The following PPARGC1A variants were observed in gnomAD, a reference collection of about 807,000 sequenced individuals.
PPARGC1A encodes PPARG coactivator 1 alpha, also known as peroxisome proliferator-activated receptor gamma coactivator 1-alpha.
A neutral mutation model predicts 88.7 loss-of-function variants in PPARGC1A; 25 were observed. That is an observed-to-expected ratio of 0.28 (90% CI 0.21 to 0.39). PPARGC1A has a LOEUF of 0.39. Among genes scored for constraint, PPARGC1A ranks in the 10% least tolerant of loss-of-function variants. PPARGC1A has a pLI of 1.00. For missense variants in PPARGC1A, 880 were observed against 968.7 expected, an observed-to-expected ratio of 0.91 and a Z score of 1.22; for synonymous variants, 363 against 355.6, an observed-to-expected ratio of 1.02 and a Z score of -0.24.
the PPARGC1A span, among the ~76,000 whole-genome samples, chr4:24,195,653 C>T: frequency 6.6e-6 from 1 of 152,142 alleles, no homozygotes; most frequent in Non-Finnish European, 1.5e-5. Context: ...AATACTTATT[C>T]CTTATGCAAA....
chr4:23,809,750 G>A (rs993272390), intron 10 of PPARGC1A, among the ~76,000 whole-genome samples: 1 of 152,090 alleles, frequency 6.6e-6, no homozygotes, highest in Non-Finnish European at 1.5e-5. Context: ...ATCACACAGT[G>A]CATCTTAATA....
At chr4:24,277,881 A>T in the PPARGC1A span, among the ~76,000 whole-genome samples, 1 of 152,100 alleles carries the variant, frequency 6.6e-6, no homozygotes, top group Non-Finnish European at 1.5e-5. Context: ...TCTCTAAAAG[A>T]AGGATAATAA....
the PPARGC1A span, among the ~76,000 whole-genome samples, chr4:24,240,525 ATAAAT>A: frequency 1.3e-5 from 2 of 152,224 alleles, no homozygotes; most frequent in Non-Finnish European, 2.9e-5. Context: ...CAATCATAAA[ATAAAT>A]TAAACTACCA....
the PPARGC1A span, among the ~76,000 whole-genome samples, chr4:23,912,654 A>C: frequency 6.6e-6 from 1 of 152,058 alleles, no homozygotes; most frequent in African/African-American, 2.4e-5. Flanking sequence ...TGAGCTATGA[A>C]ACCTGCCTGA....
At chr4:24,273,714 C>T in the PPARGC1A span, among the ~76,000 whole-genome samples, 2 of 147,762 alleles carry the variant, frequency 1.4e-5, no homozygotes, top group Admixed American at 6.8e-5. Flanking sequence ...AGCTTTTGTC[C>T]CCTTGGGGCA....
At chr4:24,387,912 AAGAAAGAAAGAAAG>A in the PPARGC1A span, among the ~76,000 whole-genome samples, 959 of 11,700 alleles carry the variant, frequency 0.082, 64 homozygotes, top group Admixed American at 0.093. Flanking sequence ...AAGAGAAAGA[AAGAAAGAAAGAAAG>A]AAAGAAAGAG....
chr4:24,369,848 G>T, the PPARGC1A span, among the ~76,000 whole-genome samples: 4 of 152,054 alleles, frequency 2.6e-5, no homozygotes, highest in African/African-American at 4.8e-5. Context: ...AGCAGGGGCT[G>T]GGCAAGTCAC....
chr4:23,865,825 C>A (rs1472270335), intron 2 of PPARGC1A, among the ~76,000 whole-genome samples: 1 of 152,162 alleles, frequency 6.6e-6, no homozygotes, highest in African/African-American at 2.4e-5. Flanking sequence ...AACCTGAGAA[C>A]AGTCTTAAAC....
At chr4:24,359,569 C>G in the PPARGC1A span, among the ~76,000 whole-genome samples, 2 of 152,170 alleles carry the variant, frequency 1.3e-5, no homozygotes, top group Non-Finnish European at 2.9e-5. Context: ...TCCCTGATAC[C>G]TATGAATGGG....
At chr4:23,898,096 C>T (rs942440109) in intron 1 of PPARGC1A, among the ~76,000 whole-genome samples, 2 of 152,106 alleles carry the variant, frequency 1.3e-5, no homozygotes, top group African/African-American at 2.4e-5. Context: ...ATCCTTTCTT[C>T]CTAATATGAG....
At chr4:24,164,755 C>T in the PPARGC1A span, among the ~76,000 whole-genome samples, 2 of 152,152 alleles carry the variant, frequency 1.3e-5, no homozygotes, top group African/African-American at 4.8e-5. Flanking sequence ...AAAAGTATGA[C>T]TGAGTCTTTG....
the PPARGC1A span, among the ~76,000 whole-genome samples, chr4:24,133,727 T>G: frequency 6.6e-6 from 1 of 152,200 alleles, no homozygotes; most frequent in African/African-American, 2.4e-5. Context: ...AGGTAGAGAT[T>G]GGTATAGGCA....
At chr4:24,041,365 A>G in the PPARGC1A span, among the ~76,000 whole-genome samples, 2 of 152,100 alleles carry the variant, frequency 1.3e-5, no homozygotes, top group Non-Finnish European at 2.9e-5. Flanking sequence ...TCCCTCTCTA[A>G]CAGTGATAGC....
the PPARGC1A span, among the ~76,000 whole-genome samples, chr4:24,151,633 A>AT: frequency 6.6e-6 from 1 of 152,108 alleles, no homozygotes; most frequent in Non-Finnish European, 1.5e-5. Context: ...ATATTAATTC[A>AT]TTTTTTTCAC....
At chr4:23,810,764 A>G (rs773597884) in intron 10 of PPARGC1A, among the ~76,000 whole-genome samples, 3 of 152,196 alleles carry the variant, frequency 2.0e-5, no homozygotes, top group Non-Finnish European at 4.4e-5. Flanking sequence ...TATAAAATAT[A>G]AATTTGCAAA....
intron 2 of PPARGC1A, among the ~76,000 whole-genome samples, chr4:23,875,541 G>A (rs1049703669): frequency 6.6e-6 from 1 of 151,346 alleles, no homozygotes; most frequent in Non-Finnish European, 1.5e-5. Flanking sequence ...ATTTCTCAGG[G>A]ACCTTGGCGG....
chr4:24,336,343 A>G, the PPARGC1A span, among the ~76,000 whole-genome samples: 2 of 152,200 alleles, frequency 1.3e-5, no homozygotes, highest in Non-Finnish European at 2.9e-5. Flanking sequence ...ATTTTCTCCT[A>G]AAATGTACCC....
intron 12 of PPARGC1A, among the ~76,000 whole-genome samples, chr4:23,801,456 CAT>C (rs1212842981): frequency 6.6e-5 from 10 of 152,116 alleles, no homozygotes; most frequent in African/African-American, 1.4e-4. Flanking sequence ...ATCATGAACA[CAT>C]GTGGAAACAC....
At chr4:24,110,331 G>T in the PPARGC1A span, among the ~76,000 whole-genome samples, 2 of 152,140 alleles carry the variant, frequency 1.3e-5, no homozygotes, top group Admixed American at 6.5e-5. Flanking sequence ...ATCTCAACCC[G>T]TGGTTTTTAG....
Sources: allele counts gnomAD v4.1 joint callset (sites outside exome capture counted in the v4.1 genomes callset), GRCh38; gene constraint gnomAD v4.1.1; transcripts MANE v1.5; gene names NCBI Gene and HGNC (gene_info 2026-07-23, HGNC 2026-07-21).